MEIS2: variants seen among roughly 807,000 people sequenced by gnomAD.
The protein encoded by MEIS2 is Meis homeobox 2.
Under a neutral mutation model 58.6 loss-of-function variants are expected in MEIS2, and 9 were observed. The observed-to-expected ratio is 0.15, with a 90% CI of 0.09 to 0.27. The LOEUF is 0.27. MEIS2 is among the 10% of genes least tolerant of loss of function. MEIS2 has a pLI of 1.00. For missense variants in MEIS2, 427 were observed against 635.0 expected (o/e 0.67, Z 3.52); for synonymous variants, 221 against 228.4 (o/e 0.97, Z 0.29).
At chr15:37,073,607 T>G (rs2141881404) in intron 7 of MEIS2, among the ~76,000 whole-genome samples, 1 of 152,196 alleles carries the variant, frequency 6.6e-6, no homozygotes, top group East Asian at 1.9e-4. Context: ...AGCCCCAGTG[T>G]GTGACAACCT....
intron 9 of MEIS2, among the ~76,000 whole-genome samples, chr15:36,928,079 C>T (rs2057820343): frequency 6.6e-6 from 1 of 152,092 alleles, no homozygotes; most frequent in Non-Finnish European, 1.5e-5. Flanking sequence ...TCTTTATTTT[C>T]AGAATGCCTC....
At chr15:36,913,686 G>A (rs1388350915) in intron 9 of MEIS2, among the ~76,000 whole-genome samples, 2 of 151,884 alleles carry the variant, frequency 1.3e-5, no homozygotes, top group Admixed American at 1.3e-4. Context: ...TTTCACAAAT[G>A]TGTCTTGTGA....
rs559426714 is a variant in MEIS2, at chr15:37,036,814, T to C, written c.900A>G (p.Thr300=). ...TTTTTTCTCTTTCATCTTGACTTAC[T>C]GTGAGATGCTGGAAGAGCCATGCTC... ...IMRAWLFQHL[T]HPYPSEEQKK... is the part of the protein sequence containing the mutation. Residue 300 remains threonine (T), a splice_region_variant and synonymous_variant, in exon 8 of 12, where the codon ACA becomes ACG. Coordinates refer to ENST00000561208, the MANE Select transcript of MEIS2 (RefSeq NM_170675.5). 1 of 1,611,568 alleles carries C rather than the reference T, an allele frequency of 6.2e-7. No individual in the cohort carries two copies. The highest frequency in any genetic ancestry group is 2.2e-5 in the East Asian group (1 of 44,854).
intron 7 of MEIS2, among the ~76,000 whole-genome samples, chr15:37,067,729 C>A (rs867100828): frequency 2.0e-5 from 3 of 152,098 alleles, no homozygotes; most frequent in African/African-American, 7.2e-5. Flanking sequence ...CTGCTCCAAA[C>A]CCTGCCCATG....
In MEIS2 at chr15:36,940,648, G is replaced by A. The variant is rs77383575; in HGVS notation, c.977+9676C>T. Among the ~76,000 whole-genome samples the A allele has an allele frequency of 6.4e-3, 974 of 152,254 alleles. 9 individuals carry two copies. The highest frequency in any genetic ancestry group is 0.022 in the African/African-American group (917 of 41,534). On this transcript the variant is annotated intron_variant, in intron 9 of 11. Transcript: ENST00000561208. ...TGACTAAATGTAATACTTGGAGAAG[G>A]TAATGAGAATAGAGCCAGGGCTCAG...
chr15:36,988,985 T>C (rs546692494), intron 8 of MEIS2, among the ~76,000 whole-genome samples: 5 of 152,180 alleles, frequency 3.3e-5, no homozygotes, highest in African/African-American at 4.8e-5. Context: ...TGGGGTCCTG[T>C]TTTGTAGATA....
intron 9 of MEIS2, chr15:36,901,291 T>C: frequency 6.6e-6 from 1 of 152,350 alleles, no homozygotes; most frequent in Non-Finnish European, 1.5e-5. Flanking sequence ...AAGTCACTTA[T>C]CAAATTTCTC....
chr15:36,910,294 T>C (rs971654975), intron 9 of MEIS2, among the ~76,000 whole-genome samples: 3 of 152,204 alleles, frequency 2.0e-5, no homozygotes, highest in Admixed American at 6.5e-5. Flanking sequence ...TGAGGAACTC[T>C]AGTCAATAGG....
At chr15:37,028,835 G>A (rs908143975) in intron 8 of MEIS2, among the ~76,000 whole-genome samples, 3 of 152,074 alleles carry the variant, frequency 2.0e-5, no homozygotes, top group Non-Finnish European at 4.4e-5. Context: ...AGGACATGAC[G>A]GATGTGCCAT....
At chr15:37,047,125 T>C (rs2062707620) in intron 7 of MEIS2, among the ~76,000 whole-genome samples, 1 of 152,180 alleles carries the variant, frequency 6.6e-6, no homozygotes, top group African/African-American at 2.4e-5. Context: ...CAGTACATCA[T>C]AATAAAGCTC....
intron 7 of MEIS2, among the ~76,000 whole-genome samples, chr15:37,062,770 G>A (rs1437937967): frequency 6.6e-6 from 1 of 152,126 alleles, no homozygotes; most frequent in African/African-American, 2.4e-5. Context: ...ATTCTGTTAT[G>A]TGCCATATGT....
rs189640891 is a variant in MEIS2, at chr15:36,966,550, C to T, written c.901-16150G>A. 5.9e-5 allele frequency among the ~76,000 whole-genome samples: 9 copies of T among 152,134 alleles called. No individual in the cohort carries two copies. In the South Asian group the frequency reaches 1.0e-3, roughly 18 times the overall value. On this transcript the variant is annotated intron_variant, in intron 8 of 11. Transcript: ENST00000561208. ...GAATCACCCCAGGACTTGAGTTCTT[C>T]GTTTATAAAATAGGAAAATTAATGG...
At chr15:37,043,841 C>T (rs1368534086) in intron 7 of MEIS2, among the ~76,000 whole-genome samples, 6 of 152,076 alleles carry the variant, frequency 3.9e-5, no homozygotes, top group Non-Finnish European at 7.3e-5. Flanking sequence ...GCGCGTGCCA[C>T]CACGCCCAGT....
At chr15:37,076,488 T>G (rs867097866) in intron 7 of MEIS2, among the ~76,000 whole-genome samples, 1 of 152,092 alleles carries the variant, frequency 6.6e-6, no homozygotes, top group Middle Eastern at 3.4e-3. Context: ...CAAGGCTATG[T>G]GAGTCCCTTT....
rs190580970 is a variant in MEIS2 at position 36,967,908 on chromosome 15, G to T, written c.901-17508C>A. Among the ~76,000 whole-genome samples the T allele has an allele frequency of 4.6e-5, 7 of 152,320 alleles. No individual in the cohort carries two copies. The East Asian group carries it at 1.4e-3, about 29-fold the overall frequency. On this transcript the variant is annotated intron_variant, in intron 8 of 11. Transcript: ENST00000561208. ...CAAAGGACTGTGATTAAGGGTATGT[G>T]TGCTATTTTGGGGGCTGAAGAATTC...
intron 8 of MEIS2, among the ~76,000 whole-genome samples, chr15:37,028,525 C>T (rs559422583): frequency 2.0e-5 from 3 of 152,162 alleles, no homozygotes; most frequent in Non-Finnish European, 1.5e-5. Flanking sequence ...GGATCCAACA[C>T]GACATTAAAT....
At chr15:36,977,176 G>GTA (rs34424010) in intron 8 of MEIS2, among the ~76,000 whole-genome samples, 27 of 151,616 alleles carry the variant, frequency 1.8e-4, no homozygotes, top group Middle Eastern at 3.4e-3. Context: ...TGTGGTAAGT[G>GTA]TATATATATA....
chr15:36,911,116 A>C (rs1316305896), intron 9 of MEIS2, among the ~76,000 whole-genome samples: 1 of 151,594 alleles, frequency 6.6e-6, no homozygotes, highest in Non-Finnish European at 1.5e-5. Context: ...TATTAGGCTT[A>C]AATGTTTTCT....
intron 7 of MEIS2, among the ~76,000 whole-genome samples, chr15:37,058,527 C>T (rs1390292518): frequency 6.6e-6 from 1 of 152,194 alleles, no homozygotes; most frequent in African/African-American, 2.4e-5. Flanking sequence ...AAGGTCATCT[C>T]TCACAGACGT....
Sources: gnomAD v4.1 joint callset for allele counts (sites outside exome capture counted in the v4.1 genomes callset) on GRCh38, gnomAD v4.1.1 for gene constraint, MANE v1.5 for transcripts, NCBI Gene and HGNC (gene_info 2026-07-23, HGNC 2026-07-21) for gene names.